RFTN1: variants seen among roughly 807,000 people sequenced by gnomAD.
RFTN1 encodes the protein raftlin, lipid raft linker 1.
Under a neutral mutation model 46.5 loss-of-function variants are expected in RFTN1, and 26 were observed. That is an observed-to-expected ratio of 0.56 (90% CI 0.41 to 0.78). The LOEUF is 0.78. Among genes scored for constraint, RFTN1 ranks in the 30% least tolerant of loss-of-function variants. The pLI, the probability that RFTN1 is intolerant of heterozygous loss-of-function variation, is 0.00. For missense variants in RFTN1, 693 were observed against 718.7 expected (o/e 0.96, Z 0.41); for synonymous variants, 261 against 284.2 (o/e 0.92, Z 0.82).
In RFTN1 at chr3:16,480,705, G is replaced by A. The variant is rs2076351644; in HGVS notation, c.145+13020C>T. Among the ~76,000 whole-genome samples the A allele has an allele frequency of 6.6e-6, 1 of 152,176 alleles. No homozygotes were observed. The highest frequency in any genetic ancestry group is 6.5e-5 in the Admixed American group (1 of 15,278). On this transcript the variant is annotated intron_variant, in intron 2 of 9. Transcript: ENST00000334133. The surrounding 1 kb of genome is among the most constrained non-coding windows in gnomAD (Gnocchi z 4.3). Reference sequence around the variant, plus strand: ...AATATGGTCAAACTATAAAATGACAGTGGACCCAGTGAAATTAGAGAAAGC... The same window carrying A: ...AATATGGTCAAACTATAAAATGACAATGGACCCAGTGAAATTAGAGAAAGC...
chr3:16,434,001 G>A lies in RFTN1; in HGVS notation c.182C>T (p.Ser61Phe). ...GAGCTGGGCGGGCAGGTCACGCAGGGAGGCCAGCCTCACTGCTGAGGACCC... is the reference window on the plus strand; with the variant it reads ...GAGCTGGGCGGGCAGGTCACGCAGGAAGGCCAGCCTCACTGCTGAGGACCC... ...LPGSSAVRLA[S>F]LRDLPAQLLE... Residue 61 changes from serine to phenylalanine, a missense_variant, in exon 3 of 10, where the codon TCC becomes TTC. Physicochemically the swap from Ser to Phe is radical, Grantham distance 155. Coordinates refer to ENST00000334133, the MANE Select transcript of RFTN1 (RefSeq NM_015150.2). The A allele has an allele frequency of 6.2e-7, 1 of 1,611,766 alleles. No individual in the cohort carries two copies. Among genetic ancestry groups the A allele is most frequent in the East Asian group, 2.2e-5 (1 of 44,870 alleles).
At position 16,337,258 on chromosome 3, in the gene RFTN1, G is replaced by A. The variant is rs1202162704; in HGVS notation, c.1147-10382C>T. The A allele has an allele frequency of 6.6e-6, 1 of 152,178 alleles. No homozygotes were observed. The highest frequency in any genetic ancestry group is 1.9e-4 in the East Asian group (1 of 5,194). 9.4% of individuals were successfully genotyped at this position (152,178 alleles called of 1,614,324 possible). On this transcript the variant is annotated intron_variant, in intron 7 of 9. Transcript: ENST00000334133. This position sits in a 1 kb window ranked among gnomAD's most constrained non-coding sequence, Gnocchi z 5.0. The stretch of plus-strand genomic sequence containing the variant: ...ATCAGCGCCTGCAGGCACATGCTGA[G>A]ATTAGTCGATTTCCTAAAAGTTGAA...
chr3:16,454,012 A>T (rs2075863118), intron 2 of RFTN1, among the ~76,000 whole-genome samples: 1 of 152,216 alleles, frequency 6.6e-6, no homozygotes, highest in African/African-American at 2.4e-5. Context: ...AGAAGACAAA[A>T]GTCAAAGCCA....
At chr3:16,467,901 A>C (rs911860845) in intron 2 of RFTN1, among the ~76,000 whole-genome samples, 1 of 152,166 alleles carries the variant, frequency 6.6e-6, no homozygotes, top group African/African-American at 2.4e-5. Flanking sequence ...CCACTCGTGC[A>C]TTTTGGCAGC....
intron 5 of RFTN1, among the ~76,000 whole-genome samples, chr3:16,373,177 A>G (rs1203648425): frequency 1.3e-5 from 2 of 152,150 alleles, no homozygotes; most frequent in African/African-American, 4.8e-5. Context: ...CAGACATGGG[A>G]TGGTAAGTCC....
In RFTN1 at chr3:16,483,996, T is replaced by G. The variant is rs2076408476; in HGVS notation, c.145+9729A>C. On this transcript the variant is annotated intron_variant, in intron 2 of 9. Coordinates refer to ENST00000334133, the MANE Select transcript of RFTN1 (RefSeq NM_015150.2). The surrounding 1 kb of genome is among the most constrained non-coding windows in gnomAD (Gnocchi z 4.8). ...GGAACCACTCCTTTAAGCTAATGAT[T>G]AGTTTTAAAGGCTTTTCTGGAGATT... 6.6e-6 allele frequency among the ~76,000 whole-genome samples: 1 copy of G among 152,154 alleles called. No homozygotes were observed. The highest frequency in any genetic ancestry group is 2.1e-4 in the South Asian group (1 of 4,824).
intron 6 of RFTN1, among the ~76,000 whole-genome samples, chr3:16,358,317 C>T (rs983555539): frequency 7.9e-5 from 12 of 152,146 alleles, no homozygotes; most frequent in Non-Finnish European, 1.3e-4. Flanking sequence ...TGATTTCACA[C>T]GTTTACCTTC....
rs1206171300 is a variant in RFTN1, at chr3:16,383,953, T to TA, written c.442-5852dup. Among the ~76,000 whole-genome samples the TA allele has an allele frequency of 6.6e-6, 1 of 152,232 alleles. No homozygotes were observed. Among genetic ancestry groups the TA allele is most frequent in the African/African-American group, 2.4e-5 (1 of 41,454 alleles). On this transcript the variant is annotated intron_variant, in intron 4 of 9. Coordinates refer to ENST00000334133, the MANE Select transcript of RFTN1 (RefSeq NM_015150.2). This position sits in a 1 kb window ranked among gnomAD's most constrained non-coding sequence, Gnocchi z 4.0. ...TGAACTATGGTGACCAATTGTTTGG[T>TA]AAAACTCTAGTCTAGATGTTGCTGT...
Position 16,458,565 on chromosome 3 carries a change from A to G in RFTN1, c.146-24528T>C, listed in dbSNP as rs1368205978. Among the ~76,000 whole-genome samples the G allele has an allele frequency of 1.3e-5, 2 of 152,118 alleles. No homozygotes were observed. The highest frequency in any genetic ancestry group is 6.5e-5 in the Admixed American group (1 of 15,278). On this transcript the variant is annotated intron_variant, in intron 2 of 9. Transcript: ENST00000334133. This position sits in a 1 kb window ranked among gnomAD's most constrained non-coding sequence, Gnocchi z 5.1. ...TAGTGGATCTTTATTGAGCTTTTCCATCTTTGTAAATCGTAAATTGTCCTT... is the reference window on the plus strand; with the variant it reads ...TAGTGGATCTTTATTGAGCTTTTCCGTCTTTGTAAATCGTAAATTGTCCTT...
In RFTN1 at chr3:16,329,389, A is replaced by T. The variant is rs560404985; in HGVS notation, c.1147-2513T>A. The stretch of plus-strand genomic sequence containing the variant: ...AACTTAATAAAGGAAGGCGGAAGGG[A>T]GGAGGGAAGGGAGGAAAGGAGAGAG... On this transcript the variant is annotated intron_variant, in intron 7 of 9. Transcript: ENST00000334133. The surrounding 1 kb of genome is among the most constrained non-coding windows in gnomAD (Gnocchi z 4.5). Among the ~76,000 whole-genome samples, 34 of 152,202 alleles carry T rather than the reference A, an allele frequency of 2.2e-4. 1 individual carries two copies. The South Asian group carries it at 6.4e-3, about 29-fold the overall frequency.
intron 1 of RFTN1, among the ~76,000 whole-genome samples, chr3:16,496,402 C>A (rs555221809): frequency 6.6e-6 from 1 of 152,332 alleles, no homozygotes; most frequent in Admixed American, 6.5e-5. Context: ...AAAAGATACA[C>A]TACCCAACAG....
intron 3 of RFTN1, among the ~76,000 whole-genome samples, chr3:16,432,714 C>T (rs746699875): frequency 6.6e-6 from 1 of 151,936 alleles, no homozygotes; most frequent in South Asian, 2.1e-4. Flanking sequence ...CAAACTAATA[C>T]ACATAAAAGG....
At chr3:16,332,282 CCA>C (rs2070394354) in intron 7 of RFTN1, among the ~76,000 whole-genome samples, 1 of 152,028 alleles carries the variant, frequency 6.6e-6, no homozygotes, top group African/African-American at 2.4e-5. Context: ...TTACCTTCCC[CCA>C]CAGTTTTCTT....
At chr3:16,349,139 G>A (rs1478995255) in intron 7 of RFTN1, 1 of 152,200 alleles carries the variant, frequency 6.6e-6, no homozygotes, top group East Asian at 1.9e-4. Context: ...AACACAAACT[G>A]TATAAACTAA....
chr3:16,328,541 C>T (rs748499100), intron 7 of RFTN1, among the ~76,000 whole-genome samples: 1 of 152,242 alleles, frequency 6.6e-6, no homozygotes, highest in Non-Finnish European at 1.5e-5. Flanking sequence ...CCCTTGGCGA[C>T]TAATTTATCC....
At chr3:16,369,553 C>T (rs1249605923) in intron 6 of RFTN1, among the ~76,000 whole-genome samples, 8 of 152,234 alleles carry the variant, frequency 5.3e-5, no homozygotes, top group Non-Finnish European at 2.9e-5. Context: ...ATGCAGCAAA[C>T]CACTAGAGAC....
In RFTN1 at chr3:16,451,548, C is replaced by T. The variant is rs1416998521; in HGVS notation, c.146-17511G>A. ...AACTAAAATAGAGTGGTCCCCTCTT[C>T]TCCACAGGGGATATGCCTGAAACCA... On this transcript the variant is annotated intron_variant, in intron 2 of 9. Coordinates refer to ENST00000334133, the MANE Select transcript of RFTN1 (RefSeq NM_015150.2). The surrounding 1 kb of genome is among the most constrained non-coding windows in gnomAD (Gnocchi z 4.2). Among the ~76,000 whole-genome samples, 1 of 152,254 alleles carries T rather than the reference C, an allele frequency of 6.6e-6. No homozygotes were observed. Among genetic ancestry groups the T allele is most frequent in the Non-Finnish European group, 1.5e-5 (1 of 68,042 alleles).
Position 16,479,858 on chromosome 3 carries a change from C to T in RFTN1, c.145+13867G>A, listed in dbSNP as rs927581756. Reference sequence around the variant, plus strand: ...GACAAGTCTCTAGCCATGCAAGGTGCAGCAGGCCAAAGGCAAATAATGGTA... The same window carrying T: ...GACAAGTCTCTAGCCATGCAAGGTGTAGCAGGCCAAAGGCAAATAATGGTA... On this transcript the variant is annotated intron_variant, in intron 2 of 9. Coordinates refer to ENST00000334133, the MANE Select transcript of RFTN1 (RefSeq NM_015150.2). The surrounding 1 kb of genome is among the most constrained non-coding windows in gnomAD (Gnocchi z 5.1). 3.3e-5 allele frequency among the ~76,000 whole-genome samples: 5 copies of T among 152,182 alleles called. No individual in the cohort carries two copies. The highest frequency in any genetic ancestry group is 2.1e-4 in the South Asian group (1 of 4,822).
chr3:16,364,462 T>C (rs2073028352), intron 6 of RFTN1, among the ~76,000 whole-genome samples: 1 of 152,186 alleles, frequency 6.6e-6, no homozygotes, highest in Admixed American at 6.5e-5. Flanking sequence ...AAGCAGATCC[T>C]GTTTGAGGCA....
Sources: gnomAD v4.1 joint callset for allele counts (sites outside exome capture counted in the v4.1 genomes callset) on GRCh38, gnomAD v4.1.1 for gene constraint, Gnocchi (gnomAD v3.1) non-coding constraint, MANE v1.5 for transcripts, NCBI Gene and HGNC (gene_info 2026-07-23, HGNC 2026-07-21) for gene names.